Variants in ERC2 observed in about 807,000 individuals in gnomAD.
ERC2 encodes the protein ELKS/RAB6-interacting/CAST family member 2, also known as ERC protein 2.
A neutral mutation model predicts 114.8 loss-of-function variants in ERC2; 42 were observed. The ratio of observed to expected loss-of-function variants is 0.37; its 90% CI spans 0.29 to 0.47. The LOEUF is 0.47. Among genes scored for constraint, ERC2 ranks in the 20% least tolerant of loss-of-function variants. The probability of loss-of-function intolerance (pLI) is 0.99; values close to 1 mark genes in which losing one functional copy is unlikely to be tolerated. For synonymous variants in ERC2, 454 were observed against 425.5 expected, an observed-to-expected ratio of 1.07 and a Z score of -0.82; for missense variants, 939 against 1,150.7, an observed-to-expected ratio of 0.82 and a Z score of 2.66.
chr3:56,436,347 A>T (rs912125026), intron 1 of ERC2, among the ~76,000 whole-genome samples: 2 of 152,164 alleles, frequency 1.3e-5, no homozygotes, highest in African/African-American at 4.8e-5. Context: ...GGTTTATAAA[A>T]CACCTAGTTT....
At chr3:56,012,678 T>A (rs570084308) in intron 8 of ERC2, among the ~76,000 whole-genome samples, 1 of 152,116 alleles carries the variant, frequency 6.6e-6, no homozygotes, top group Non-Finnish European at 1.5e-5. Context: ...TGGGCATTGA[T>A]GACAAAAAAA....
intron 3 of ERC2, among the ~76,000 whole-genome samples, chr3:56,284,528 C>G (rs34270989): frequency 1.3e-5 from 2 of 151,904 alleles, no homozygotes; most frequent in African/African-American, 4.8e-5. Flanking sequence ...AAAATTATTC[C>G]GAAGTTTGGT....
At chr3:56,203,064 T>C (rs2048497191) in intron 3 of ERC2, among the ~76,000 whole-genome samples, 2 of 152,230 alleles carry the variant, frequency 1.3e-5, no homozygotes, top group South Asian at 4.1e-4. Flanking sequence ...AGAAAGCTCT[T>C]GGGTAAAAGA....
chr3:55,600,792 C>T (rs2058365033), intron 17 of ERC2, among the ~76,000 whole-genome samples: 1 of 152,230 alleles, frequency 6.6e-6, no homozygotes, highest in Non-Finnish European at 1.5e-5. Context: ...TGGACACGGC[C>T]TCTGCGCCTC....
chr3:55,654,160 A>G (rs2060761837), intron 17 of ERC2, among the ~76,000 whole-genome samples: 1 of 152,258 alleles, frequency 6.6e-6, no homozygotes, highest in Non-Finnish European at 1.5e-5. Context: ...TCAGCTCCTC[A>G]GCTAAGTCAT....
At chr3:56,366,124 C>T (rs2059140397) in intron 2 of ERC2, among the ~76,000 whole-genome samples, 1 of 152,164 alleles carries the variant, frequency 6.6e-6, no homozygotes, top group African/African-American at 2.4e-5. Flanking sequence ...AAATATTCTC[C>T]CCAAACCAAT....
intron 3 of ERC2, among the ~76,000 whole-genome samples, chr3:56,237,678 A>C (rs1278532672): frequency 6.6e-6 from 1 of 152,120 alleles, no homozygotes; most frequent in Non-Finnish European, 1.5e-5. Context: ...TTTCTATGAC[A>C]GGACAGAAGG....
intron 3 of ERC2, among the ~76,000 whole-genome samples, chr3:56,223,027 C>T (rs2050018789): frequency 6.6e-6 from 1 of 152,238 alleles, no homozygotes; most frequent in Non-Finnish European, 1.5e-5. Flanking sequence ...GGTGCCTCTT[C>T]TCATGACAGG....
chr3:55,917,863 G>C (rs1023314651), intron 13 of ERC2, among the ~76,000 whole-genome samples: 9 of 152,240 alleles, frequency 5.9e-5, no homozygotes, highest in Non-Finnish European at 1.2e-4. Context: ...TGAGAATGGA[G>C]CTAGATGATT....
intron 2 of ERC2, among the ~76,000 whole-genome samples, chr3:56,298,426 T>G (rs1432609832): frequency 6.6e-6 from 1 of 152,158 alleles, no homozygotes; most frequent in African/African-American, 2.4e-5. Flanking sequence ...CAAATATTCA[T>G]AGCAGCAACA....
At chr3:55,700,588 G>A (rs922547219) in intron 15 of ERC2, among the ~76,000 whole-genome samples, 1 of 152,212 alleles carries the variant, frequency 6.6e-6, no homozygotes. Flanking sequence ...TGCTGTTGTT[G>A]TTTGCTGTAA....
intron 17 of ERC2, among the ~76,000 whole-genome samples, chr3:55,553,442 G>A (rs1385788594): frequency 6.6e-6 from 1 of 152,082 alleles, no homozygotes; most frequent in Non-Finnish European, 1.5e-5. Context: ...TGAGAATATG[G>A]AGGTATTGTG....
chr3:55,519,388 G>C (rs1277221007), intron 17 of ERC2, among the ~76,000 whole-genome samples: 12 of 152,222 alleles, frequency 7.9e-5, no homozygotes. Flanking sequence ...GGCTATGGAT[G>C]TTAATGTGGA....
At chr3:55,730,564 T>C (rs566567997) in intron 15 of ERC2, among the ~76,000 whole-genome samples, 35 of 152,300 alleles carry the variant, frequency 2.3e-4, no homozygotes, top group African/African-American at 8.2e-4. Context: ...ATTTTCTGTA[T>C]ACGTTGAGCT....
intron 7 of ERC2, among the ~76,000 whole-genome samples, chr3:56,049,179 G>C (rs1191772363): frequency 6.6e-6 from 1 of 152,180 alleles, no homozygotes; most frequent in Non-Finnish European, 1.5e-5. Context: ...CATAGAGATA[G>C]CATGACTCGA....
intron 14 of ERC2, among the ~76,000 whole-genome samples, chr3:55,864,822 G>A (rs55675302): frequency 0.091 from 13,827 of 151,968 alleles, 706 homozygotes; most frequent in South Asian, 0.16. Context: ...CATCACCATT[G>A]TCATCACATC....
intron 2 of ERC2, among the ~76,000 whole-genome samples, chr3:56,326,044 C>T (rs572395772): frequency 5.9e-5 from 9 of 152,354 alleles, no homozygotes; most frequent in Admixed American, 2.6e-4. Context: ...CTACTCCTCA[C>T]TCTCCTTCTT....
intron 3 of ERC2, among the ~76,000 whole-genome samples, chr3:56,249,797 A>G (rs1310214042): frequency 6.6e-6 from 1 of 151,628 alleles, no homozygotes. Flanking sequence ...TAAGATTAGT[A>G]TCCATTTTAT....
At chr3:56,115,399 G>T (rs1051669381) in intron 6 of ERC2, among the ~76,000 whole-genome samples, 71 of 152,012 alleles carry the variant, frequency 4.7e-4, no homozygotes, top group African/African-American at 1.6e-3. Context: ...TAACCATAGG[G>T]TTGGTTCCTC....
Sources: gnomAD v4.1 joint callset for allele counts (sites outside exome capture counted in the v4.1 genomes callset) on GRCh38, gnomAD v4.1.1 for gene constraint, MANE v1.5 for transcripts, NCBI Gene and HGNC (gene_info 2026-07-23, HGNC 2026-07-21) for gene names.